GAREM1: variants seen among roughly 807,000 people sequenced by gnomAD.
GAREM1 encodes the protein GRB2-associated and regulator of MAPK protein 1.
Under a neutral mutation model 71.3 loss-of-function variants are expected in GAREM1, and 26 were observed. The ratio of observed to expected loss-of-function variants is 0.36; its 90% CI spans 0.27 to 0.51. The LOEUF (loss-of-function observed/expected upper bound fraction) is 0.51, where lower values mean the gene tolerates loss of function less well. GAREM1 is among the 20% of genes least tolerant of loss of function. The pLI, the probability that GAREM1 is intolerant of heterozygous loss-of-function variation, is 0.95. For synonymous variants in GAREM1, 440 were observed against 433.2 expected, an observed-to-expected ratio of 1.02 and a Z score of -0.20; for missense variants, 1,026 against 1,103.1, an observed-to-expected ratio of 0.93 and a Z score of 0.99.
At chr18:32,280,050 G>A (rs142951158) in intron 4 of GAREM1, among the ~76,000 whole-genome samples, 12 of 152,180 alleles carry the variant, frequency 7.9e-5, no homozygotes, top group African/African-American at 2.9e-4. Flanking sequence ...AATGCCCTAC[G>A]AAACCTCATT....
intron 2 of GAREM1, among the ~76,000 whole-genome samples, chr18:32,388,806 T>C (rs1191715677): frequency 6.6e-6 from 1 of 152,180 alleles, no homozygotes; most frequent in East Asian, 1.9e-4. Flanking sequence ...TAAGTGGTCC[T>C]AGACTGGATG....
chr18:32,341,143 G>A (rs1030158121), intron 2 of GAREM1, among the ~76,000 whole-genome samples: 26 of 151,960 alleles, frequency 1.7e-4, no homozygotes, highest in African/African-American at 6.3e-4. Flanking sequence ...CTTACCCCAT[G>A]ACAGGCCCCG....
chr18:32,279,345 C>G (rs1325365337), intron 4 of GAREM1, among the ~76,000 whole-genome samples: 1 of 152,208 alleles, frequency 6.6e-6, no homozygotes, highest in Non-Finnish European at 1.5e-5. Context: ...TCTGTATTTA[C>G]AGCTGCTCTC....
chr18:32,364,687 ATATACT>A (rs1187047956), intron 2 of GAREM1, among the ~76,000 whole-genome samples: 1 of 152,210 alleles, frequency 6.6e-6, no homozygotes, highest in African/African-American at 2.4e-5. Context: ...GGTTGGTAAA[ATATACT>A]TATAAAATTC....
At chr18:32,438,922 C>T (rs1163871339) in intron 1 of GAREM1, among the ~76,000 whole-genome samples, 2 of 152,154 alleles carry the variant, frequency 1.3e-5, no homozygotes, top group African/African-American at 2.4e-5. Flanking sequence ...AGAAGTAGCA[C>T]AGCTTTCATT....
At chr18:32,371,847 A>C (rs1159802408) in intron 2 of GAREM1, among the ~76,000 whole-genome samples, 2 of 152,184 alleles carry the variant, frequency 1.3e-5, no homozygotes, top group African/African-American at 2.4e-5. Flanking sequence ...ATAATCTTAA[A>C]TGCAGTAGAA....
At chr18:32,388,167 G>C (rs1161561330) in intron 2 of GAREM1, among the ~76,000 whole-genome samples, 1 of 152,126 alleles carries the variant, frequency 6.6e-6, no homozygotes, top group Admixed American at 6.5e-5. Context: ...ACCATTTGAA[G>C]AAACAAGGAC....
chr18:32,397,549 A>C (rs1426228780), intron 1 of GAREM1, among the ~76,000 whole-genome samples: 1 of 152,224 alleles, frequency 6.6e-6, no homozygotes. Flanking sequence ...ATCAAAAGAG[A>C]CAAAGAAGGC....
At chr18:32,457,812 G>T (rs145827974) in intron 1 of GAREM1, among the ~76,000 whole-genome samples, 1 of 152,068 alleles carries the variant, frequency 6.6e-6, no homozygotes, top group Non-Finnish European at 1.5e-5. Flanking sequence ...CAACGTGCAG[G>T]TTTGTTACAT....
Position 32,287,086 on chromosome 18 carries a change from A to T in GAREM1, c.1511T>A (p.Val504Glu). 6.2e-7 allele frequency: 1 copy of T among 1,614,222 alleles called. No individual in the cohort carries two copies. Among genetic ancestry groups the T allele is most frequent in the Non-Finnish European group, 8.5e-7 (1 of 1,180,028 alleles). Residue 504 changes from valine to glutamate, a missense_variant, in exon 4 of 6, where the codon GTG becomes GAG. Physicochemically the swap from Val to Glu is moderately radical, Grantham distance 121. Coordinates refer to ENST00000269209, the MANE Select transcript of GAREM1 (RefSeq NM_001242409.2). This position sits in a 1 kb window ranked among gnomAD's most constrained non-coding sequence, Gnocchi z 5.9. ...AGGTAGGGCAGTATCTGAAGACTTC[A>T]CTGCTGCTCCCAGAGTCCCAGGGAT... ...LPIPGTLGAA[V>E]KSSDTALPPP...
At chr18:32,442,540 A>G (rs2048748799) in intron 1 of GAREM1, among the ~76,000 whole-genome samples, 3 of 152,318 alleles carry the variant, frequency 2.0e-5, no homozygotes, top group African/African-American at 7.2e-5. Flanking sequence ...TTTTAATAAA[A>G]AATTTAAAAG....
intron 1 of GAREM1, among the ~76,000 whole-genome samples, chr18:32,454,657 G>C (rs80170050): frequency 0.014 from 2,192 of 152,282 alleles, 24 homozygotes; most frequent in Non-Finnish European, 0.022. Context: ...CCAGGCTTGA[G>C]ACAGTTGGAA....
At chr18:32,352,965 A>G (rs1406900990) in intron 2 of GAREM1, among the ~76,000 whole-genome samples, 1 of 152,320 alleles carries the variant, frequency 6.6e-6, no homozygotes, top group Non-Finnish European at 1.5e-5. Flanking sequence ...TAAACAACAA[A>G]GGAGTCAATT....
At chr18:32,377,065 C>T (rs751518067) in intron 2 of GAREM1, among the ~76,000 whole-genome samples, 3 of 151,998 alleles carry the variant, frequency 2.0e-5, no homozygotes, top group South Asian at 4.1e-4. Context: ...AACTGAGGCA[C>T]AAAAAACGTT....
In GAREM1 at chr18:32,286,818, A is replaced by G. The variant is rs553378537; in HGVS notation, c.1566+213T>C. Among the ~76,000 whole-genome samples the G allele has an allele frequency of 9.6e-4, 146 of 152,332 alleles. 1 individual carries two copies. Among genetic ancestry groups the G allele is most frequent in the African/African-American group, 3.0e-3 (126 of 41,560 alleles). ...GTCATGTTTAAAACTCTCCTGTTAA[A>G]AACTCTCCAAGAGGTTCTCATCAGA... On this transcript the variant is annotated intron_variant, in intron 4 of 5. Transcript: ENST00000269209.
At chr18:32,304,693 G>T (rs937681160) in intron 3 of GAREM1, among the ~76,000 whole-genome samples, 1 of 152,154 alleles carries the variant, frequency 6.6e-6, no homozygotes, top group African/African-American at 2.4e-5. Flanking sequence ...TCTATGAGGT[G>T]GGTAGTATCA....
In GAREM1 at chr18:32,288,118, G is replaced by C; in HGVS notation, c.479C>G (p.Ala160Gly). Residue 160 changes from alanine (A) to glycine (G), a missense_variant, in exon 4 of 6, where the codon GCA (alanine) becomes GGA (glycine). Ala to Gly is a moderately conservative substitution (Grantham distance 60). This residue lies in a region of GAREM1 where 218 missense variants were observed against 296.8 expected (regional missense o/e 0.73). Coordinates refer to ENST00000269209, the MANE Select transcript of GAREM1 (RefSeq NM_001242409.2). Reference sequence around the variant, plus strand: ...GAATGTCTTTGCATAAAGGATTTCTGCCTGCCCCATTAGAGTGAGTTCATC... The same window carrying C: ...GAATGTCTTTGCATAAAGGATTTCTCCCTGCCCCATTAGAGTGAGTTCATC... ...TGDELTLMGQ[A>G]EILYAKTFKE... 1 of 1,614,042 alleles carries C rather than the reference G, an allele frequency of 6.2e-7. No individual in the cohort carries two copies. Among genetic ancestry groups the C allele is most frequent in the Non-Finnish European group, 8.5e-7 (1 of 1,179,996 alleles).
intron 1 of GAREM1, among the ~76,000 whole-genome samples, chr18:32,411,126 A>G (rs951264459): frequency 6.6e-6 from 1 of 152,150 alleles, no homozygotes; most frequent in African/African-American, 2.4e-5. Flanking sequence ...TTTCTTCTTC[A>G]ATCAGTTCCC....
intron 1 of GAREM1, among the ~76,000 whole-genome samples, chr18:32,432,865 A>C (rs938921202): frequency 3.3e-5 from 5 of 152,118 alleles, no homozygotes; most frequent in Admixed American, 3.3e-4. Context: ...CCAAACATTT[A>C]AAGAAGAAAT....
Sources: gnomAD v4.1 joint callset for allele counts (sites outside exome capture counted in the v4.1 genomes callset) on GRCh38, gnomAD v4.1.1 for gene constraint, gnomAD v4.1.1 regional missense constraint, Gnocchi (gnomAD v3.1) non-coding constraint, MANE v1.5 for transcripts, NCBI Gene and HGNC (gene_info 2026-07-23, HGNC 2026-07-21) for gene names.